The following MYH3 variants were observed in gnomAD, a reference collection of about 807,000 sequenced individuals.
MYH3 encodes myosin heavy chain 3, also known as myosin-3.
A neutral mutation model predicts 238.0 loss-of-function variants in MYH3; 130 were observed. The ratio of observed to expected loss-of-function variants is 0.55; its 90% CI spans 0.47 to 0.63. The LOEUF is 0.63. Among genes scored for constraint, MYH3 ranks in the 30% least tolerant of loss-of-function variants. MYH3 has a pLI of 0.00. For synonymous variants in MYH3, 880 were observed against 924.1 expected (o/e 0.95, Z 0.86); for missense variants, 1,853 against 2,374.9 (o/e 0.78, Z 4.57).
chr17:10,660,154 G>A (rs986248060), upstream of MYH3, among the ~76,000 whole-genome samples: 10 of 152,192 alleles, frequency 6.6e-5, no homozygotes, highest in Admixed American at 2.6e-4. Flanking sequence ...TGACATACCT[G>A]CCTCCCAGAC....
In MYH3 at chr17:10,634,703, G is replaced by A. The variant is rs151164223; in HGVS notation, c.4356+137C>T. The A allele has an allele frequency of 3.4e-3, 3,409 of 1,009,604 alleles. 13 individuals carry two copies. The highest frequency in any genetic ancestry group is 4.5e-3 in the Non-Finnish European group (2,879 of 642,056). 62.5% of individuals were successfully genotyped at this position (1,009,604 alleles called of 1,614,324 possible). On this transcript the variant is annotated intron_variant, in intron 31 of 40. Coordinates refer to ENST00000583535, the MANE Select transcript of MYH3 (RefSeq NM_002470.4). The stretch of plus-strand genomic sequence containing the variant: ...TTTGCAGATGAGGAAACTACAGCCC[G>A]GTGAAGTTCAGGGACTTGCCCAAGG...
At position 10,644,367 on chromosome 17, in the gene MYH3, C is replaced by G; in HGVS notation, c.1394G>C (p.Gly465Ala). The G allele has an allele frequency of 6.2e-7, 1 of 1,614,122 alleles. No individual in the cohort carries two copies. The highest frequency in any genetic ancestry group is 2.2e-5 in the East Asian group (1 of 44,886). ...QHFIGVLDIAGFEIFEYNSLE... is the reference protein window; with the variant it reads ...QHFIGVLDIAAFEIFEYNSLE... ...AACACAAACCTCAAAGATTTCAAAG[C>G]CTGCAATGTCCAAAACACCAATGAA... is the stretch of plus-strand genomic sequence containing the variant. The change falls in exon 14 of 41, where the codon GGC becomes GCC. Residue 465 changes from glycine to alanine, a missense_variant. Gly to Ala is a moderately conservative substitution (Grantham distance 60, BLOSUM62 0). Around this residue, in one of 3 missense-constraint regions of MYH3, gnomAD observed 678 missense variants for 1,058.9 expected, o/e 0.64. Coordinates refer to ENST00000583535, the MANE Select transcript of MYH3 (RefSeq NM_002470.4).
chr17:10,643,033 ACTT>A lies in MYH3; in HGVS notation c.1411-40_1411-38del, dbSNP rs1388289462. ...ATACAACATTCATGTGAAAAGTTAG[ACTT>A]CTTTCAGAATCAAAGACTGTCAACA... On this transcript the variant is annotated intron_variant, in intron 14 of 40. Coordinates refer to ENST00000583535, the MANE Select transcript of MYH3 (RefSeq NM_002470.4). The A allele has an allele frequency of 2.5e-6, 4 of 1,613,896 alleles. No homozygotes were observed. In the African/African-American group the frequency reaches 5.3e-5, roughly 22 times the overall value.
rs201602783 is a variant in MYH3, at chr17:10,634,872, C to T, written c.4324G>A (p.Ala1442Thr). The T allele has an allele frequency of 1.4e-4, 220 of 1,614,126 alleles. No homozygotes were observed. The Middle Eastern group carries it at 4.3e-3, about 31-fold the overall frequency. The change falls in exon 31 of 41, where the codon GCT (alanine) becomes ACT (threonine). Residue 1442 changes from alanine (A) to threonine (T), a missense_variant. Coordinates refer to ENST00000583535, the MANE Select transcript of MYH3 (RefSeq NM_002470.4). ...AAGTTCCTCTGCTTCTTGTCCAGAGCGGCGGCCAAGGAATTGGCTCTTTCA... is the reference window on the plus strand; with the variant it reads ...AAGTTCCTCTGCTTCTTGTCCAGAGTGGCGGCCAAGGAATTGGCTCTTTCA... The part of the protein sequence containing the change: ...DVERANSLAA[A>T]LDKKQRNFDK...
chr17:10,631,936 G>A lies in MYH3; in HGVS notation c.5037C>T (p.Ala1679=). 6.2e-7 allele frequency: 1 copy of A among 1,614,132 alleles called. No homozygotes were observed. The highest frequency in any genetic ancestry group is 1.3e-5 in the African/African-American group (1 of 75,058). The part of the protein sequence containing the change: ...KEQLAIVERR[A]NLLQAEVEEL... ...CCTCCACCTCGGCCTGCAGCAGGTT[G>A]GCTCTGCGCTCCACAATCGCCAGCT... Residue 1679 remains alanine, a synonymous_variant, in exon 35 of 41, where the codon GCC becomes GCT. Coordinates refer to ENST00000583535, the MANE Select transcript of MYH3 (RefSeq NM_002470.4).
Position 10,630,199 on chromosome 17 carries a change from G to A in MYH3, c.5458-3C>T. 2 of 1,614,160 alleles carry A rather than the reference G, an allele frequency of 1.2e-6. No individual in the cohort carries two copies. Among genetic ancestry groups the A allele is most frequent in the Non-Finnish European group, 1.7e-6 (2 of 1,180,008 alleles). On this transcript the variant is annotated splice_region_variant and splice_polypyrimidine_tract_variant and intron_variant, in intron 37 of 40. Coordinates refer to ENST00000583535, the MANE Select transcript of MYH3 (RefSeq NM_002470.4). ...AGTTCAAACTCCAGCTCTCGGATCT[G>A]GGGGAGAGGGTGGGGAAATTAGTCT...
At chr17:10,644,837 A>T (rs1238366640) in intron 12 of MYH3, 135 bp from the exon 13 acceptor site, 61 of 733,910 alleles carry the variant, frequency 8.3e-5, no homozygotes, top group Middle Eastern at 7.2e-4. Flanking sequence ...ATACATGGCC[A>T]ATGGAAGCTA....
intron 12 of MYH3, 53 bp downstream of exon 12, chr17:10,645,654 G>A: frequency 6.2e-7 from 1 of 1,606,040 alleles, no homozygotes; most frequent in Non-Finnish European, 8.5e-7. Flanking sequence ...AGTACCAAGT[G>A]ACCTCAGCAG....
rs981719929 is a variant in MYH3, at chr17:10,647,013, G to A, written c.898+169C>T. Among the ~76,000 whole-genome samples the A allele has an allele frequency of 3.9e-5, 6 of 152,310 alleles. No individual in the cohort carries two copies. In the South Asian group the frequency reaches 1.0e-3, roughly 26 times the overall value. On this transcript the variant is annotated intron_variant, in intron 10 of 40. Transcript: ENST00000583535. ...ACAAGTGAGCTGTGCTTGTGCCACT[G>A]CACCCCAGCCTGGGCATCAGAGTGA...
chr17:10,660,046 A>G (rs1046780621), upstream of MYH3, among the ~76,000 whole-genome samples: 1 of 152,252 alleles, frequency 6.6e-6, no homozygotes, highest in African/African-American at 2.4e-5. Flanking sequence ...AGAGTCCTAC[A>G]GGCCTGGATG....
chr17:10,659,321 C>T (rs1393708031), upstream of MYH3, among the ~76,000 whole-genome samples: 1 of 152,184 alleles, frequency 6.6e-6, no homozygotes, highest in Non-Finnish European at 1.5e-5. Context: ...TGGCTTCTCG[C>T]CTGGCTTTCC....
chr17:10,637,423 C>G (rs973720527), intron 28 of MYH3, among the ~76,000 whole-genome samples: 1 of 152,132 alleles, frequency 6.6e-6, no homozygotes, highest in Non-Finnish European at 1.5e-5. Flanking sequence ...TCTTTAGTCT[C>G]AAAAACTTGG....
rs1567562658 is a variant in MYH3, at chr17:10,652,405, A to G, written c.348+15T>C. On this transcript the variant is annotated intron_variant, in intron 4 of 40. Coordinates refer to ENST00000583535, the MANE Select transcript of MYH3 (RefSeq NM_002470.4). Reference sequence around the variant, plus strand: ...CTAATGCCCCAGGGAAACCACGTCGAAAGCCCTCGCTGACATAGATCATCC... The same window carrying G: ...CTAATGCCCCAGGGAAACCACGTCGGAAGCCCTCGCTGACATAGATCATCC... The G allele has an allele frequency of 1.2e-6, 2 of 1,613,638 alleles. No homozygotes were observed. Among genetic ancestry groups the G allele is most frequent in the Admixed American group, 3.3e-5 (2 of 59,988 alleles).
rs1194799420 is a variant in MYH3, at chr17:10,649,679, T to C, written c.540A>G (p.Glu180=). ...RENQSILITG[E]SGAGKTVNTK... ...TGTTCACAGTCTTTCCTGCCCCGGATTCTCCGCTGTACAGAGTGATCAAAA... is the reference window on the plus strand; with the variant it reads ...TGTTCACAGTCTTTCCTGCCCCGGACTCTCCGCTGTACAGAGTGATCAAAA... The change falls in exon 7 of 41, where the codon GAA becomes GAG. Residue 180 remains glutamate (E), a synonymous_variant. Coordinates refer to ENST00000583535, the MANE Select transcript of MYH3 (RefSeq NM_002470.4). 1 of 1,614,078 alleles carries C rather than the reference T, an allele frequency of 6.2e-7. No homozygotes were observed. The highest frequency in any genetic ancestry group is 8.5e-7 in the Non-Finnish European group (1 of 1,179,886).
At chr17:10,653,993 T>C (rs564212963) in intron 3 of MYH3, among the ~76,000 whole-genome samples, 1 of 152,188 alleles carries the variant, frequency 6.6e-6, no homozygotes, top group African/African-American at 2.4e-5. Flanking sequence ...AGTCTTGCTC[T>C]GTCTCCCAGG....
intron 4 of MYH3, chr17:10,652,091 G>A (rs2142424617): frequency 2.4e-6 from 1 of 418,074 alleles, no homozygotes; most frequent in Non-Finnish European, 4.5e-6. Context: ...AAAGGGGGGA[G>A]GCTACCATTC....
chr17:10,663,547 T>C, the MYH3 span, among the ~76,000 whole-genome samples: 93,311 of 151,690 alleles, frequency 0.62, 30,257 homozygotes, highest in African/African-American at 0.82. Flanking sequence ...AATGAAGGCT[T>C]CTGGAAAGCT....
chr17:10,653,035 G>A (rs1044602055), intron 3 of MYH3, among the ~76,000 whole-genome samples: 7 of 152,194 alleles, frequency 4.6e-5, no homozygotes, highest in African/African-American at 1.7e-4. Flanking sequence ...GAAAGGCTAT[G>A]GGGCGGCTTG....
chr17:10,641,197 T>C lies in MYH3; in HGVS notation c.2053A>G (p.Met685Val), dbSNP rs1597487139. The C allele has an allele frequency of 1.2e-6, 2 of 1,613,654 alleles. No homozygotes were observed. Among genetic ancestry groups the C allele is most frequent in the East Asian group, 2.2e-5 (1 of 44,896 alleles). ...TGGTGCAGAACAAGGCTGTGTTCCATAGCCCCTGGGAACAGAAGCGAGATA... is the reference window on the plus strand; with the variant it reads ...TGGTGCAGAACAAGGCTGTGTTCCACAGCCCCTGGGAACAGAAGCGAGATA... ...IPNETKTPGA[M>V]EHSLVLHQLR... The change falls in exon 19 of 41, where the codon ATG becomes GTG. Residue 685 changes from methionine (M) to valine (V), a missense_variant. Around this residue, in one of 3 missense-constraint regions of MYH3, gnomAD observed 678 missense variants for 1,058.9 expected, o/e 0.64. Transcript: ENST00000583535.
Sources: allele counts gnomAD v4.1 joint callset (sites outside exome capture counted in the v4.1 genomes callset), GRCh38; gene constraint gnomAD v4.1.1; regional missense constraint gnomAD v4.1.1; transcripts MANE v1.5; gene names NCBI Gene and HGNC (gene_info 2026-07-23, HGNC 2026-07-21).